Variants in DAPK2 observed in about 807,000 individuals in gnomAD.
The protein encoded by DAPK2 is death associated protein kinase 2, also known as death-associated protein kinase 2.
DAPK2 carries 35 observed loss-of-function variants against 44.1 expected under a neutral mutation model. The observed-to-expected ratio is 0.79, with a 90% confidence interval of 0.61 to 1.05. The LOEUF (loss-of-function observed/expected upper bound fraction) is 1.05, where lower values mean the gene tolerates loss of function less well. Among genes scored for constraint, DAPK2 ranks in the 50% least tolerant of loss-of-function variants. The pLI is 0.00. For synonymous variants in DAPK2, 174 were observed against 182.6 expected (o/e 0.95, Z 0.38); for missense variants, 453 against 483.2 (o/e 0.94, Z 0.59).
chr15:63,924,202 G>C (rs975509067), intron 8 of DAPK2, among the ~76,000 whole-genome samples: 4 of 152,140 alleles, frequency 2.6e-5, no homozygotes, highest in Non-Finnish European at 5.9e-5. Context: ...GCCAGCAGCT[G>C]ACTGGAAAGC....
chr15:63,994,458 G>T (rs1334255532), intron 1 of DAPK2, among the ~76,000 whole-genome samples: 3 of 127,546 alleles, frequency 2.4e-5, no homozygotes, highest in Non-Finnish European at 5.0e-5. Flanking sequence ...AGGAAGGAAG[G>T]AAGGAAGGAA....
rs989163546 is a variant in DAPK2 at position 63,916,655 on chromosome 15, C to T, written c.859-4458G>A. 8.5e-5 allele frequency: 13 copies of T among 152,268 alleles called. No individual in the cohort carries two copies. Among genetic ancestry groups the T allele is most frequent in the Non-Finnish European group, 1.5e-4 (10 of 68,062 alleles). The allele number at this position is 152,268 out of a possible 1,614,324, so 9.4% of individuals were successfully genotyped here. ...TCCTCCTAAGTGGGAGGGACAGCTG[C>T]AGAAAGGCTGTGAGCCTGAAGGCTG... On this transcript the variant is annotated intron_variant, in intron 8 of 10. Coordinates refer to ENST00000261891, the Ensembl canonical transcript of DAPK2. This position sits in a 1 kb window ranked among gnomAD's most constrained non-coding sequence, Gnocchi z 4.7.
intron 3 of DAPK2, among the ~76,000 whole-genome samples, chr15:63,970,786 A>G (rs191354978): frequency 6.6e-6 from 1 of 152,310 alleles, no homozygotes; most frequent in East Asian, 1.9e-4. Context: ...TACTAAGGGA[A>G]CTGATCCTTC....
chr15:64,017,934 C>G (rs2079574706), intron 1 of DAPK2, among the ~76,000 whole-genome samples: 1 of 152,160 alleles, frequency 6.6e-6, no homozygotes, highest in Admixed American at 6.5e-5. Context: ...ATTGCAAAAT[C>G]CTATATGCCT....
At position 64,033,091 on chromosome 15, in the gene DAPK2, T is replaced by A. The variant is rs183247827; in HGVS notation, c.92+7079A>T. ...ACAGAGCGAGACTCCATCTCAAAAA[T>A]AAATAAGTAAATAAATAAATTAGCT... On this transcript the variant is annotated intron_variant, in intron 1 of 10. Coordinates refer to ENST00000261891, the Ensembl canonical transcript of DAPK2. Among the ~76,000 whole-genome samples the A allele has an allele frequency of 2.5e-3, 375 of 150,648 alleles. 3 individuals carry two copies. Among genetic ancestry groups the A allele is most frequent in the African/African-American group, 8.7e-3 (358 of 40,918 alleles).
At chr15:63,934,824 A>T (rs1433511359) in intron 4 of DAPK2, among the ~76,000 whole-genome samples, 1 of 152,120 alleles carries the variant, frequency 6.6e-6, no homozygotes. Context: ...CTCCCAAAAA[A>T]GCTGGGATTA....
At chr15:64,038,303 CA>C (rs2080263202) in intron 1 of DAPK2, among the ~76,000 whole-genome samples, 1 of 152,224 alleles carries the variant, frequency 6.6e-6, no homozygotes, top group Non-Finnish European at 1.5e-5. Context: ...CAGACCCCTG[CA>C]TGCAGGACAT....
chr15:63,997,588 T>C (rs988761325), intron 1 of DAPK2, among the ~76,000 whole-genome samples: 6 of 152,150 alleles, frequency 3.9e-5, no homozygotes, highest in Non-Finnish European at 8.8e-5. Context: ...ACCTTGGCTT[T>C]CCAAAGTGCT....
chr15:63,914,775 A>C lies in DAPK2; in HGVS notation c.859-2578T>G, dbSNP rs892536514. Among the ~76,000 whole-genome samples the C allele has an allele frequency of 2.1e-4, 32 of 152,118 alleles. 1 individual carries two copies. The highest frequency in any genetic ancestry group is 7.5e-4 in the African/African-American group (31 of 41,490). On this transcript the variant is annotated intron_variant, in intron 8 of 10. Coordinates refer to ENST00000261891, the Ensembl canonical transcript of DAPK2. ...GGTCTTTGCCCTTGCTCTCTCCTAT[A>C]CTCACTTTATCACCTTGTTCAAGTC...
chr15:64,026,875 T>A (rs2079862329), intron 1 of DAPK2, among the ~76,000 whole-genome samples: 1 of 152,210 alleles, frequency 6.6e-6, no homozygotes, highest in South Asian at 2.1e-4. Context: ...CTCCTTTTCA[T>A]CACTTACAAA....
intron 3 of DAPK2, among the ~76,000 whole-genome samples, chr15:63,959,268 G>C (rs139317255): frequency 1.2e-4 from 18 of 152,112 alleles, no homozygotes; most frequent in African/African-American, 4.3e-4. Flanking sequence ...AGATGATGGG[G>C]TTTTCTAAAT....
chr15:63,973,035 C>T (rs2078255016), intron 2 of DAPK2, among the ~76,000 whole-genome samples: 1 of 152,116 alleles, frequency 6.6e-6, no homozygotes, highest in African/African-American at 2.4e-5. Flanking sequence ...GAGGGGTGTC[C>T]CTCCCATCAC....
intron 1 of DAPK2, among the ~76,000 whole-genome samples, chr15:64,021,775 G>C (rs897865361): frequency 6.6e-6 from 1 of 152,206 alleles, no homozygotes; most frequent in African/African-American, 2.4e-5. Flanking sequence ...CAGAGGGAGA[G>C]GAAGTATTTT....
chr15:63,914,231 G>T (rs2078868323), intron 8 of DAPK2, among the ~76,000 whole-genome samples: 1 of 149,936 alleles, frequency 6.7e-6, no homozygotes, highest in African/African-American at 2.5e-5. Flanking sequence ...CGGGGCGGGG[G>T]GTGGGGTGAC....
intron 3 of DAPK2, among the ~76,000 whole-genome samples, chr15:63,949,557 G>C (rs758976676): frequency 6.6e-6 from 1 of 152,286 alleles, no homozygotes; most frequent in East Asian, 1.9e-4. Flanking sequence ...GCATTCTGAG[G>C]ACCTAGCTGT....
At chr15:63,925,212 C>T (rs2079207254) in intron 7 of DAPK2, among the ~76,000 whole-genome samples, 1 of 152,188 alleles carries the variant, frequency 6.6e-6, no homozygotes, top group Admixed American at 6.5e-5. Context: ...TTCTGTTTGC[C>T]TCCTGGATCC....
intron 8 of DAPK2, among the ~76,000 whole-genome samples, chr15:63,914,256 G>T (rs2078869110): frequency 6.6e-6 from 1 of 152,114 alleles, no homozygotes; most frequent in Admixed American, 6.5e-5. Context: ...AGCTGGAGGG[G>T]GAGTGCATGC....
intron 1 of DAPK2, among the ~76,000 whole-genome samples, chr15:64,010,421 C>T (rs2079358693): frequency 6.6e-6 from 1 of 152,162 alleles, no homozygotes; most frequent in South Asian, 2.1e-4. Context: ...TGTCCTCTGC[C>T]AACTTTCCCA....
intron 1 of DAPK2, among the ~76,000 whole-genome samples, chr15:64,015,567 T>A (rs1173129530): frequency 6.6e-6 from 1 of 152,192 alleles, no homozygotes; most frequent in Non-Finnish European, 1.5e-5. Flanking sequence ...CCCTGGCACA[T>A]GTGACCATGA....
Sources: gnomAD v4.1 joint callset for allele counts (sites outside exome capture counted in the v4.1 genomes callset) on GRCh38, gnomAD v4.1.1 for gene constraint, Gnocchi (gnomAD v3.1) non-coding constraint, MANE v1.5 for transcripts, NCBI Gene and HGNC (gene_info 2026-07-23, HGNC 2026-07-21) for gene names.